Variants in ZMAT4 observed in about 807,000 individuals in gnomAD.
ZMAT4 encodes the protein zinc finger matrin-type 4.
Under a neutral mutation model 28.7 loss-of-function variants are expected in ZMAT4, and 17 were observed. The ratio of observed to expected loss-of-function variants is 0.59; its 90% CI spans 0.41 to 0.89. The LOEUF (loss-of-function observed/expected upper bound fraction) is 0.89. ZMAT4 is among the 40% of genes least tolerant of loss of function. The pLI is 0.00. For synonymous variants in ZMAT4, 117 were observed against 109.2 expected (o/e 1.07, Z -0.44); for missense variants, 240 against 283.8 (o/e 0.85, Z 1.11).
At chr8:40,651,830 G>T in intron 5 of ZMAT4, among the ~76,000 whole-genome samples, 1 of 130,974 alleles carries the variant, frequency 7.6e-6, no homozygotes, top group Non-Finnish European at 1.6e-5. Flanking sequence ...AAGCAATGGG[G>T]AAAGGATTCC....
chr8:40,590,863 G>A (rs62505445), intron 5 of ZMAT4, among the ~76,000 whole-genome samples: 33,802 of 151,704 alleles, frequency 0.22, 4,415 homozygotes, highest in Non-Finnish European at 0.3. Context: ...AGATATTAAC[G>A]TTTGTCCCCA....
At chr8:40,720,782 TC>T (rs1811052750) in intron 3 of ZMAT4, among the ~76,000 whole-genome samples, 1 of 151,210 alleles carries the variant, frequency 6.6e-6, no homozygotes, top group South Asian at 2.1e-4. Flanking sequence ...CACCTCAGCC[TC>T]CCAAAATGCT....
intron 1 of ZMAT4, among the ~76,000 whole-genome samples, chr8:40,849,527 A>G (rs1000810289): frequency 1.3e-5 from 2 of 152,162 alleles, no homozygotes; most frequent in African/African-American, 4.8e-5. Flanking sequence ...CAGGGATGCC[A>G]CCTGTCCCCT....
chr8:40,785,465 A>G lies in ZMAT4; in HGVS notation c.103-17735T>C, dbSNP rs557019421. On this transcript the variant is annotated intron_variant, in intron 2 of 6. Coordinates refer to ENST00000297737, the MANE Select transcript of ZMAT4 (RefSeq NM_024645.3). ...TCCAAAAAACGCTCCTTGGTTTGAA[A>G]TGATTACCTCTGGTATATTAATTAG... is the stretch of plus-strand genomic sequence containing the variant. Among the ~76,000 whole-genome samples, 6 of 152,354 alleles carry G rather than the reference A, an allele frequency of 3.9e-5. No homozygotes were observed. The South Asian group carries it at 8.3e-4, about 21-fold the overall frequency.
intron 1 of ZMAT4, among the ~76,000 whole-genome samples, chr8:40,889,136 A>T (rs779085627): frequency 6.6e-6 from 1 of 152,202 alleles, no homozygotes; most frequent in Non-Finnish European, 1.5e-5. Context: ...ACCCCTTGAA[A>T]TGCTAAGACA....
intron 2 of ZMAT4, among the ~76,000 whole-genome samples, chr8:40,816,252 C>T (rs773266345): frequency 1.3e-5 from 2 of 152,170 alleles, no homozygotes; most frequent in Non-Finnish European, 2.9e-5. Context: ...CCCACAATCC[C>T]CATCAGTTCC....
chr8:40,883,698 A>G (rs1344433248), intron 1 of ZMAT4, among the ~76,000 whole-genome samples: 9 of 152,174 alleles, frequency 5.9e-5, no homozygotes, highest in African/African-American at 1.9e-4. Context: ...GAGAGAAAAA[A>G]GTGCCCTGAT....
chr8:40,817,178 A>G (rs1166857925), intron 2 of ZMAT4, among the ~76,000 whole-genome samples: 3 of 152,236 alleles, frequency 2.0e-5, no homozygotes, highest in African/African-American at 7.2e-5. Context: ...TGTTACTGAT[A>G]CATGGAACTT....
chr8:40,851,280 A>G (rs2150635506), intron 1 of ZMAT4, among the ~76,000 whole-genome samples: 1 of 152,304 alleles, frequency 6.6e-6, no homozygotes, highest in Non-Finnish European at 1.5e-5. Flanking sequence ...GTGAGCCAAG[A>G]TTGCACCATT....
chr8:40,666,201 A>G (rs1432986977), intron 5 of ZMAT4, among the ~76,000 whole-genome samples: 1 of 152,216 alleles, frequency 6.6e-6, no homozygotes, highest in Non-Finnish European at 1.5e-5. Context: ...GAAAACCTCT[A>G]AAGTACTTTC....
At chr8:40,686,412 C>T (rs1231659342) in intron 4 of ZMAT4, among the ~76,000 whole-genome samples, 3 of 151,952 alleles carry the variant, frequency 2.0e-5, no homozygotes, top group East Asian at 3.9e-4. Flanking sequence ...CTTGAGTAAG[C>T]TATGATCACT....
chr8:40,694,424 T>C (rs1370920407), intron 4 of ZMAT4, among the ~76,000 whole-genome samples: 1 of 152,194 alleles, frequency 6.6e-6, no homozygotes, highest in Non-Finnish European at 1.5e-5. Flanking sequence ...TTGTATTAAA[T>C]GGTGGTGTCC....
intron 2 of ZMAT4, among the ~76,000 whole-genome samples, chr8:40,821,288 C>T (rs1202368377): frequency 6.6e-6 from 1 of 152,080 alleles, no homozygotes; most frequent in African/African-American, 2.4e-5. Flanking sequence ...TTTTTTTACC[C>T]CCGTAACGCT....
intron 5 of ZMAT4, among the ~76,000 whole-genome samples, chr8:40,659,482 C>T (rs1563394067): frequency 6.6e-6 from 1 of 152,126 alleles, no homozygotes; most frequent in Non-Finnish European, 1.5e-5. Flanking sequence ...CCTTGCATTG[C>T]CCCTGGATGC....
chr8:40,572,843 G>A (rs751159100), intron 6 of ZMAT4, among the ~76,000 whole-genome samples: 6 of 152,100 alleles, frequency 3.9e-5, no homozygotes, highest in African/African-American at 1.2e-4. Flanking sequence ...GTAAAAGACC[G>A]TGTCTGGTTA....
At chr8:40,675,009 C>T in intron 4 of ZMAT4, 78 bp from the exon 5 acceptor site, 3 of 1,116,934 alleles carry the variant, frequency 2.7e-6, no homozygotes, top group Non-Finnish European at 3.9e-6. Flanking sequence ...ACCCGAAGAC[C>T]AAAAGTCTCC....
intron 5 of ZMAT4, among the ~76,000 whole-genome samples, chr8:40,639,485 C>T (rs1806924900): frequency 6.6e-6 from 1 of 152,064 alleles, no homozygotes; most frequent in Admixed American, 6.6e-5. Flanking sequence ...GGATATTTTC[C>T]TAACAATTCT....
chr8:40,799,070 G>T (rs1394382767), intron 2 of ZMAT4, among the ~76,000 whole-genome samples: 5 of 146,004 alleles, frequency 3.4e-5, no homozygotes, highest in African/African-American at 1.3e-4. Context: ...TGGTTGGCTG[G>T]CTGGCTGGCT....
At chr8:40,674,989 C>T in intron 4 of ZMAT4, 58 bp from the exon 5 acceptor site, 3 of 1,358,330 alleles carry the variant, frequency 2.2e-6, no homozygotes, top group Non-Finnish European at 3.1e-6. Context: ...TGAGTCCACT[C>T]TTCCTCAATA....
Sources: gnomAD v4.1 joint callset for allele counts (sites outside exome capture counted in the v4.1 genomes callset) on GRCh38, gnomAD v4.1.1 for gene constraint, MANE v1.5 for transcripts, NCBI Gene and HGNC (gene_info 2026-07-23, HGNC 2026-07-21) for gene names.